The following NIPBL variants were observed in gnomAD, a reference collection of about 807,000 sequenced individuals.
The protein encoded by NIPBL is nipped-B-like protein.
In NIPBL, 19 loss-of-function variants were observed where a neutral mutation model predicts 321.8. The observed-to-expected ratio is 0.06, with a 90% CI of 0.04 to 0.09. The LOEUF is 0.09. Ranked by LOEUF, NIPBL falls within the 10% of genes least tolerant of loss-of-function variation. The probability of loss-of-function intolerance (pLI) is 1.00; values close to 1 mark genes in which losing one functional copy is unlikely to be tolerated. For missense variants in NIPBL, 2,210 were observed against 3,327.0 expected, an observed-to-expected ratio of 0.66 and a Z score of 8.26; for synonymous variants, 1,106 against 1,114.1, an observed-to-expected ratio of 0.99 and a Z score of 0.14.
At chr5:36,952,143 G>T (rs1487951961) in intron 1 of NIPBL, among the ~76,000 whole-genome samples, 1 of 151,042 alleles carries the variant, frequency 6.6e-6, no homozygotes, top group East Asian at 2.0e-4. Context: ...AATGTTTGGG[G>T]TGAAGGAAAT....
chr5:36,994,715 G>A (rs527837591), intron 10 of NIPBL, among the ~76,000 whole-genome samples: 225 of 152,140 alleles, frequency 1.5e-3, no homozygotes, highest in African/African-American at 4.3e-3. Context: ...CAAATTATCC[G>A]AATAAGTAGC....
intron 18 of NIPBL, 55 bp downstream of exon 18, chr5:37,007,529 G>C: frequency 8.1e-7 from 1 of 1,240,898 alleles, no homozygotes; most frequent in Non-Finnish European, 1.2e-6. Flanking sequence ...ATTAAGTCTA[G>C]TATAACCTAG....
In NIPBL at chr5:36,876,919, C is replaced by T. The variant is rs1745100986; in HGVS notation, c.-339C>T. On this transcript the variant is annotated 5_prime_UTR_variant, in exon 1 of 47. Coordinates refer to ENST00000282516, the MANE Select transcript of NIPBL (RefSeq NM_133433.4). Reference sequence around the variant, plus strand: ...GCCCCCGCCGACAGGAGAATTGGTTCCCGGGCCCGCGGCGATGCCCCCCCG... The same window carrying T: ...GCCCCCGCCGACAGGAGAATTGGTTTCCGGGCCCGCGGCGATGCCCCCCCG... 2 of 290,174 alleles carry T rather than the reference C, an allele frequency of 6.9e-6. No individual in the cohort carries two copies. Among genetic ancestry groups the T allele is most frequent in the Admixed American group, 5.4e-5 (1 of 18,426 alleles). 18.0% of individuals were successfully genotyped at this position (290,174 alleles called of 1,614,324 possible).
chr5:37,045,708 A>C, intron 37 of NIPBL, 111 bp downstream of exon 37: 3 of 1,180,322 alleles, frequency 2.5e-6, no homozygotes, highest in Non-Finnish European at 3.7e-6. Flanking sequence ...AGTCTGGTTT[A>C]ATGAAAATTC....
rs777159279 is a variant in NIPBL at position 36,985,495 on chromosome 5, C to A, written c.2315C>A (p.Ser772Tyr). ...HDNRRDSGKP[S>Y]TEKKPEVSKH... ...AATAGGAGGGATTCTGGAAAGCCAT[C>A]TACAGAGAAAAAACCTGAAGTGTCT... The change falls in exon 10 of 47, where the codon TCT becomes TAT. Residue 772 changes from serine to tyrosine, a missense_variant. By Grantham distance (144) the Ser-to-Tyr change is moderately radical. Around this residue, in one of 14 missense-constraint regions of NIPBL, gnomAD observed 588 missense variants for 564.1 expected, o/e 1.04. Coordinates refer to ENST00000282516, the MANE Select transcript of NIPBL (RefSeq NM_133433.4). The A allele has an allele frequency of 6.2e-7, 1 of 1,613,648 alleles. No individual in the cohort carries two copies.
chr5:36,917,257 T>G (rs1748536057), intron 1 of NIPBL, among the ~76,000 whole-genome samples: 1 of 152,234 alleles, frequency 6.6e-6, no homozygotes, highest in Admixed American at 6.5e-5. Context: ...GATGAGCATT[T>G]TTTCATGTGT....
At chr5:37,054,914 A>G (rs894259379) in intron 42 of NIPBL, among the ~76,000 whole-genome samples, 27 of 151,134 alleles carry the variant, frequency 1.8e-4, no homozygotes, top group African/African-American at 6.0e-4. Context: ...GTAGATGGCA[A>G]AAAAAAAAAC....
intron 46 of NIPBL, chr5:37,064,243 T>C: frequency 7.3e-7 from 1 of 1,378,494 alleles, no homozygotes; most frequent in East Asian, 2.7e-5. Context: ...TGTGTTATTT[T>C]TATTGTTGCT....
intron 6 of NIPBL, among the ~76,000 whole-genome samples, chr5:36,970,655 A>G (rs1411924239): frequency 6.6e-6 from 1 of 151,958 alleles, no homozygotes; most frequent in Non-Finnish European, 1.5e-5. Context: ...AATAACAGAT[A>G]AATGGAGATC....
intron 1 of NIPBL, among the ~76,000 whole-genome samples, chr5:36,911,971 G>A (rs1349758657): frequency 6.6e-6 from 1 of 152,142 alleles, no homozygotes; most frequent in African/African-American, 2.4e-5. Context: ...AGAGCCATTT[G>A]AAGACTTTTA....
intron 1 of NIPBL, among the ~76,000 whole-genome samples, chr5:36,901,438 G>A (rs999078690): frequency 1.4e-5 from 2 of 145,450 alleles, no homozygotes; most frequent in Admixed American, 1.4e-4. Flanking sequence ...GTAGAATGAT[G>A]TATATTGCTT....
At chr5:36,976,677 A>G (rs987004405) in intron 9 of NIPBL, among the ~76,000 whole-genome samples, 1 of 152,126 alleles carries the variant, frequency 6.6e-6, no homozygotes, top group African/African-American at 2.4e-5. Flanking sequence ...CTTTTCTGCT[A>G]AAATGAACAT....
intron 27 of NIPBL, among the ~76,000 whole-genome samples, chr5:37,021,188 A>G (rs1315226770): frequency 6.6e-6 from 1 of 152,090 alleles, no homozygotes; most frequent in Non-Finnish European, 1.5e-5. Flanking sequence ...AATCCCAGCT[A>G]CTCGGGAGGC....
chr5:36,994,649 T>A (rs1332790975), intron 10 of NIPBL, among the ~76,000 whole-genome samples: 1 of 152,148 alleles, frequency 6.6e-6, no homozygotes, highest in Non-Finnish European at 1.5e-5. Context: ...TTTTTATACT[T>A]CCACTCAAAG....
Position 37,036,391 on chromosome 5 carries a change from GA to G in NIPBL, c.5877del (p.Glu1960ArgfsTer8). The G allele has an allele frequency of 7.6e-7, 1 of 1,310,586 alleles. No homozygotes were observed. The allele number at this position is 1,310,586 out of a possible 1,614,324, so 81.2% of individuals were successfully genotyped here. On this transcript the variant is annotated frameshift_variant, in exon 33 of 47. Coordinates refer to ENST00000282516, the MANE Select transcript of NIPBL (RefSeq NM_133433.4). LOFTEE classifies it high-confidence loss of function. ...TATGTATATATAGTTGTTGAAGTCC[GA>G]AGAGGATTCCTCATATAAACCTGTG... Reference protein sequence around the residue: ...EQLLQNLLKSEEDSSYKPVKK... With the variant: ...EQLLQNLLKSXEDSSYKPVKK...
At position 37,065,884 on chromosome 5, in the gene NIPBL, G is replaced by A. The variant is rs926258120; in HGVS notation, c.*992G>A. On this transcript the variant is annotated 3_prime_UTR_variant, in exon 47 of 47. Coordinates refer to ENST00000282516, the MANE Select transcript of NIPBL (RefSeq NM_133433.4). ...TGCTGATATTTATTCTTTAAACCTCGGGTAAAGGTAACCTGTTATTTGGAA... is the reference window on the plus strand; with the variant it reads ...TGCTGATATTTATTCTTTAAACCTCAGGTAAAGGTAACCTGTTATTTGGAA... 18 of 152,422 alleles carry A rather than the reference G, an allele frequency of 1.2e-4. No homozygotes were observed. The highest frequency in any genetic ancestry group is 2.9e-4 in the African/African-American group (12 of 41,408). 9.4% of individuals were successfully genotyped at this position (152,422 alleles called of 1,614,324 possible).
rs574038266 is a variant in NIPBL at position 36,918,191 on chromosome 5, T to C, written c.-79-35427T>C. Among the ~76,000 whole-genome samples the C allele has an allele frequency of 3.9e-5, 6 of 152,292 alleles. No individual in the cohort carries two copies. In the East Asian group the frequency reaches 9.6e-4, roughly 24 times the overall value. ...TTCTTCCATTTGTTTGTATCCTCTTTTATTTCGTTGAGCAGTGGTATGTAG... is the reference window on the plus strand; with the variant it reads ...TTCTTCCATTTGTTTGTATCCTCTTCTATTTCGTTGAGCAGTGGTATGTAG... On this transcript the variant is annotated intron_variant, in intron 1 of 46. Coordinates refer to ENST00000282516, the MANE Select transcript of NIPBL (RefSeq NM_133433.4).
intron 1 of NIPBL, among the ~76,000 whole-genome samples, chr5:36,899,123 G>C (rs577262013): frequency 6.6e-6 from 1 of 152,132 alleles, no homozygotes; most frequent in South Asian, 2.1e-4. Flanking sequence ...TCTCACTTTG[G>C]GAAATGGGGT....
At chr5:36,958,043 A>T in intron 3 of NIPBL, 61 bp from the exon 4 acceptor site, 1 of 1,539,238 alleles carries the variant, frequency 6.5e-7, no homozygotes, top group Non-Finnish European at 9.0e-7. Context: ...CTTTTATATG[A>T]TAAGTCTTCT....
Sources: gnomAD v4.1 joint callset for allele counts (sites outside exome capture counted in the v4.1 genomes callset) on GRCh38, gnomAD v4.1.1 for gene constraint, gnomAD v4.1.1 regional missense constraint, MANE v1.5 for transcripts, NCBI Gene and HGNC (gene_info 2026-07-23, HGNC 2026-07-21) for gene names.